TOX: variants seen among roughly 807,000 people sequenced by gnomAD.
The protein encoded by TOX is thymocyte selection-associated high mobility group box protein TOX.
In TOX, 11 loss-of-function variants were observed where a neutral mutation model predicts 53.7. That is an observed-to-expected ratio of 0.20 (90% CI 0.13 to 0.34). The LOEUF (loss-of-function observed/expected upper bound fraction) is 0.34. Among genes scored for constraint, TOX ranks in the 10% least tolerant of loss-of-function variants. The pLI, the probability that TOX is intolerant of heterozygous loss-of-function variation, is 1.00. For missense variants in TOX, 570 were observed against 664.6 expected, an observed-to-expected ratio of 0.86 and a Z score of 1.56; for synonymous variants, 225 against 245.3, an observed-to-expected ratio of 0.92 and a Z score of 0.77.
intron 7 of TOX, among the ~76,000 whole-genome samples, chr8:58,809,690 G>A (rs1585836462): frequency 1.3e-5 from 2 of 151,894 alleles, no homozygotes; most frequent in Admixed American, 6.6e-5. Context: ...TCCTCAAGCT[G>A]TAAATATCTT....
chr8:58,947,580 G>A (rs1448725404), intron 2 of TOX, among the ~76,000 whole-genome samples: 3 of 151,982 alleles, frequency 2.0e-5, no homozygotes, highest in African/African-American at 7.3e-5. Flanking sequence ...ATTTGCATAA[G>A]TCCAATAAAA....
intron 1 of TOX, among the ~76,000 whole-genome samples, chr8:58,960,985 C>T (rs1465959038): frequency 6.6e-6 from 1 of 152,166 alleles, no homozygotes; most frequent in Non-Finnish European, 1.5e-5. Context: ...TAACTTCAGA[C>T]ATGGGGAATT....
chr8:58,858,027 C>T (rs1447183110), intron 3 of TOX, among the ~76,000 whole-genome samples: 1 of 152,198 alleles, frequency 6.6e-6, no homozygotes, highest in African/African-American at 2.4e-5. Flanking sequence ...ACCTCGGCCT[C>T]CCAAAGTGTT....
chr8:58,920,749 G>GAAAAAGAAGA (rs1812057433), intron 3 of TOX, among the ~76,000 whole-genome samples: 2 of 110,868 alleles, frequency 1.8e-5, no homozygotes, highest in Non-Finnish European at 3.7e-5. Flanking sequence ...AAAAAAAGAA[G>GAAAAAGAAGA]AAAAAAAAAA....
At position 59,050,492 on chromosome 8, in the gene TOX, T is replaced by C. The variant is rs912926224; in HGVS notation, c.102+68394A>G. 4.6e-5 allele frequency among the ~76,000 whole-genome samples: 7 copies of C among 152,262 alleles called. No homozygotes were observed. In the South Asian group the frequency reaches 1.2e-3, roughly 27 times the overall value. ...CTTAAAGAGCCATCAGATTAATGAA[T>C]TAAGTAGAATCAAAATTATGTAATA... On this transcript the variant is annotated intron_variant, in intron 1 of 8. Transcript: ENST00000361421.
At chr8:58,813,280 A>G (rs1239221780) in intron 7 of TOX, among the ~76,000 whole-genome samples, 1 of 152,246 alleles carries the variant, frequency 6.6e-6, no homozygotes, top group African/African-American at 2.4e-5. Context: ...TAGCATAAAT[A>G]GAAAAAGTAA....
rs1373082435 is a variant in TOX, at chr8:58,924,350, GA to G, written c.411+14951del. Among the ~76,000 whole-genome samples, 5 of 152,316 alleles carry G rather than the reference GA, an allele frequency of 3.3e-5. No individual in the cohort carries two copies. In the East Asian group the frequency reaches 9.7e-4, roughly 29 times the overall value. On this transcript the variant is annotated intron_variant, in intron 3 of 8. Transcript: ENST00000361421. Reference sequence around the variant, plus strand: ...CCCCTCTCTCCATACATACTAAGCAGAAGTAGGGAGGGAAATCCCTGGACAC... The same window carrying G: ...CCCCTCTCTCCATACATACTAAGCAGAGTAGGGAGGGAAATCCCTGGACAC...
At chr8:59,098,136 T>C (rs547692072) in intron 1 of TOX, among the ~76,000 whole-genome samples, 9 of 151,704 alleles carry the variant, frequency 5.9e-5, no homozygotes, top group African/African-American at 1.9e-4. Context: ...GCCAAAAAGG[T>C]GGCCTCACAG....
intron 1 of TOX, among the ~76,000 whole-genome samples, chr8:59,020,047 G>A (rs399142): frequency 0.95 from 144,276 of 152,346 alleles, 68,389 homozygotes; most frequent in East Asian, 1. Context: ...ATGAATTTAT[G>A]CCTTGCCTAT....
At chr8:59,089,956 A>C (rs1474803361) in intron 1 of TOX, among the ~76,000 whole-genome samples, 1 of 152,218 alleles carries the variant, frequency 6.6e-6, no homozygotes, top group Non-Finnish European at 1.5e-5. Flanking sequence ...AGCATTCTCC[A>C]GTGATGGTCT....
chr8:58,887,434 T>C (rs997688866), intron 3 of TOX, among the ~76,000 whole-genome samples: 6 of 151,906 alleles, frequency 3.9e-5, no homozygotes, highest in African/African-American at 9.7e-5. Flanking sequence ...GCTGTTTTTA[T>C]TGGGGAGAGG....
chr8:58,981,930 A>G (rs1471483180), intron 1 of TOX, among the ~76,000 whole-genome samples: 3 of 152,184 alleles, frequency 2.0e-5, no homozygotes, highest in Non-Finnish European at 4.4e-5. Flanking sequence ...AGCCTACAAA[A>G]AGGCTCAAAT....
chr8:58,908,461 T>G (rs1811856414), intron 3 of TOX, among the ~76,000 whole-genome samples: 1 of 152,220 alleles, frequency 6.6e-6, no homozygotes, highest in Non-Finnish European at 1.5e-5. Context: ...CCCCATGCCT[T>G]GAAAGCTGGC....
chr8:58,826,935 A>G, intron 5 of TOX, 33 bp from the exon 6 acceptor site: 1 of 1,593,474 alleles, frequency 6.3e-7, no homozygotes, highest in South Asian at 1.1e-5. Flanking sequence ...TAAATTAGAA[A>G]GTGCATTTGC....
intron 7 of TOX, among the ~76,000 whole-genome samples, 199 bp downstream of exon 7, chr8:58,815,139 C>T (rs906662442): frequency 6.6e-6 from 1 of 152,180 alleles, no homozygotes; most frequent in African/African-American, 2.4e-5. Context: ...TGGCATAATG[C>T]CACACGAACT....
At chr8:58,887,698 G>C (rs1298311533) in intron 3 of TOX, among the ~76,000 whole-genome samples, 1 of 151,830 alleles carries the variant, frequency 6.6e-6, no homozygotes, top group African/African-American at 2.4e-5. Flanking sequence ...CTGTTTTTCT[G>C]TTTTGCTTGC....
chr8:59,088,469 A>G (rs73256362), intron 1 of TOX, among the ~76,000 whole-genome samples: 1,751 of 152,340 alleles, frequency 0.011, 47 homozygotes, highest in African/African-American at 0.04. Flanking sequence ...AAATTTTTCT[A>G]GATCATGAGT....
chr8:59,070,301 C>CAA (rs1804171513), intron 1 of TOX, among the ~76,000 whole-genome samples: 1 of 152,116 alleles, frequency 6.6e-6, no homozygotes, highest in Non-Finnish European at 1.5e-5. Context: ...TACACAGTGA[C>CAA]AAACTAGAGT....
chr8:58,975,933 G>A (rs561032035), intron 1 of TOX, among the ~76,000 whole-genome samples: 15 of 152,206 alleles, frequency 9.9e-5, no homozygotes, highest in Middle Eastern at 3.4e-3. Flanking sequence ...TTAGCCAGGC[G>A]TGATGGCGTG....
Sources: allele counts gnomAD v4.1 joint callset (sites outside exome capture counted in the v4.1 genomes callset), GRCh38; gene constraint gnomAD v4.1.1; transcripts MANE v1.5; gene names NCBI Gene and HGNC (gene_info 2026-07-23, HGNC 2026-07-21).